The following DISC1 variants were observed in gnomAD, a reference collection of about 807,000 sequenced individuals.
DISC1 encodes disrupted in schizophrenia 1 protein.
DISC1 carries 57 observed loss-of-function variants against 84.5 expected under a neutral mutation model. The ratio of observed to expected loss-of-function variants is 0.67; its 90% CI spans 0.55 to 0.84. The LOEUF (loss-of-function observed/expected upper bound fraction) is 0.84. DISC1 is among the 40% of genes least tolerant of loss of function. The pLI, the probability that DISC1 is intolerant of heterozygous loss-of-function variation, is 0.00. For missense variants in DISC1, 1,000 were observed against 1,057.8 expected, an observed-to-expected ratio of 0.95 and a Z score of 0.76; for synonymous variants, 411 against 415.2, an observed-to-expected ratio of 0.99 and a Z score of 0.12.
At chr1:231,900,056 A>G (rs543727654) in intron 9 of DISC1, among the ~76,000 whole-genome samples, 28 of 152,346 alleles carry the variant, frequency 1.8e-4, no homozygotes, top group African/African-American at 6.7e-4. Context: ...TTATTATAGC[A>G]TTAACTTAAG....
At chr1:231,707,399 A>G (rs762435898) in intron 3 of DISC1, among the ~76,000 whole-genome samples, 4 of 152,152 alleles carry the variant, frequency 2.6e-5, no homozygotes, top group African/African-American at 4.8e-5. Flanking sequence ...TCTGTGCTCT[A>G]TAGAGCTTTC....
chr1:231,921,816 T>TC, intron 9 of DISC1, among the ~76,000 whole-genome samples: 1 of 151,072 alleles, frequency 6.6e-6, no homozygotes, highest in East Asian at 1.9e-4. Flanking sequence ...ACCTTTTTTT[T>TC]TTTTTTTTTT....
chr1:231,640,324 T>C (rs2059530695), intron 1 of DISC1, among the ~76,000 whole-genome samples: 1 of 152,156 alleles, frequency 6.6e-6, no homozygotes, highest in Non-Finnish European at 1.5e-5. Flanking sequence ...CGCTGCATAA[T>C]GGAAGAACAG....
At chr1:231,844,170 A>G (rs1163030733) in intron 9 of DISC1, among the ~76,000 whole-genome samples, 2 of 152,138 alleles carry the variant, frequency 1.3e-5, no homozygotes, top group African/African-American at 4.8e-5. Context: ...AACTCTTTGG[A>G]TATCAACTGG....
chr1:231,898,719 G>GC (rs2087899887), intron 9 of DISC1, among the ~76,000 whole-genome samples: 1 of 152,074 alleles, frequency 6.6e-6, no homozygotes, highest in African/African-American at 2.4e-5. Context: ...AACACTTGAG[G>GC]CCAGGAGCTA....
intron 4 of DISC1, among the ~76,000 whole-genome samples, chr1:231,763,933 G>T (rs1558502342): frequency 6.6e-6 from 1 of 152,178 alleles, no homozygotes; most frequent in Admixed American, 6.5e-5. Context: ...GGAGTAAAAG[G>T]AGACAAACAT....
At chr1:231,986,805 A>G (rs997230738) in intron 10 of DISC1, among the ~76,000 whole-genome samples, 1 of 152,184 alleles carries the variant, frequency 6.6e-6, no homozygotes, top group Non-Finnish European at 1.5e-5. Context: ...ACTGATAAGG[A>G]TGTGGCGGGC....
At chr1:231,903,552 C>G (rs1410224930) in intron 9 of DISC1, among the ~76,000 whole-genome samples, 2 of 152,184 alleles carry the variant, frequency 1.3e-5, no homozygotes, top group Non-Finnish European at 2.9e-5. Flanking sequence ...TGGGGAGGCT[C>G]TATTCTAGGC....
At chr1:231,973,322 A>G (rs1207814590) in intron 10 of DISC1, among the ~76,000 whole-genome samples, 1 of 152,222 alleles carries the variant, frequency 6.6e-6, no homozygotes, top group African/African-American at 2.4e-5. Flanking sequence ...CTGGGATTAT[A>G]GGCGTGAGCC....
intron 3 of DISC1, among the ~76,000 whole-genome samples, chr1:231,748,599 A>G (rs1237576158): frequency 6.6e-6 from 1 of 152,132 alleles, no homozygotes; most frequent in Non-Finnish European, 1.5e-5. Flanking sequence ...CCACTTGATC[A>G]TGGTATATTA....
At chr1:231,735,957 C>T (rs1173851775) in intron 3 of DISC1, among the ~76,000 whole-genome samples, 7 of 152,068 alleles carry the variant, frequency 4.6e-5, no homozygotes, top group Non-Finnish European at 8.8e-5. Flanking sequence ...AGACTACAGG[C>T]GTGTGTCACT....
At chr1:231,932,838 A>T (rs2090751964) in intron 9 of DISC1, among the ~76,000 whole-genome samples, 2 of 152,202 alleles carry the variant, frequency 1.3e-5, no homozygotes, top group African/African-American at 4.8e-5. Flanking sequence ...TGGCATCCTA[A>T]AATTCAAAAT....
chr1:231,712,706 G>C (rs1241670824), intron 3 of DISC1, among the ~76,000 whole-genome samples: 1 of 152,152 alleles, frequency 6.6e-6, no homozygotes, highest in African/African-American at 2.4e-5. Flanking sequence ...CCTGTCTGGG[G>C]GCTACGTTAA....
intron 3 of DISC1, among the ~76,000 whole-genome samples, chr1:231,714,783 T>C (rs2068459397): frequency 6.6e-6 from 1 of 152,092 alleles, no homozygotes; most frequent in South Asian, 2.1e-4. Flanking sequence ...TTCACACATA[T>C]GCACATACAC....
intron 12 of DISC1, among the ~76,000 whole-genome samples, chr1:232,027,673 C>T (rs1669606462): frequency 6.6e-6 from 1 of 152,192 alleles, no homozygotes; most frequent in Admixed American, 6.5e-5. Context: ...ATTCATTCAT[C>T]TTTCTATTCA....
At chr1:231,749,041 C>T (rs1036640005) in intron 3 of DISC1, among the ~76,000 whole-genome samples, 9 of 152,146 alleles carry the variant, frequency 5.9e-5, no homozygotes, top group African/African-American at 1.9e-4. Context: ...ATAAGAAGTC[C>T]CTCCTGACTC....
chr1:231,655,031 C>T (rs548067418), intron 1 of DISC1, among the ~76,000 whole-genome samples: 8 of 152,206 alleles, frequency 5.3e-5, no homozygotes, highest in Non-Finnish European at 8.8e-5. Flanking sequence ...CAAGGCTTTA[C>T]ACTCAGAAGT....
chr1:231,806,730 G>A (rs1374427342), intron 8 of DISC1, among the ~76,000 whole-genome samples: 2 of 152,202 alleles, frequency 1.3e-5, no homozygotes, highest in Non-Finnish European at 2.9e-5. Flanking sequence ...AAGTGAGAGC[G>A]AAGATCTCAA....
At chr1:231,713,766 T>TATATAC (rs2068247426) in intron 3 of DISC1, among the ~76,000 whole-genome samples, 1 of 143,914 alleles carries the variant, frequency 6.9e-6, no homozygotes, top group African/African-American at 2.6e-5. Flanking sequence ...ATATAGGAGA[T>TATATAC]ATATATATAG....
Sources: gnomAD v4.1 joint callset for allele counts (sites outside exome capture counted in the v4.1 genomes callset) on GRCh38, gnomAD v4.1.1 for gene constraint, MANE v1.5 for transcripts, NCBI Gene and HGNC (gene_info 2026-07-23, HGNC 2026-07-21) for gene names.